The following NIPA2 variants were observed in gnomAD, a reference collection of about 807,000 sequenced individuals.
The protein encoded by NIPA2 is NIPA magnesium transporter 2.
A neutral mutation model predicts 29.7 loss-of-function variants in NIPA2; 11 were observed. The ratio of observed to expected loss-of-function variants is 0.37; its 90% CI spans 0.23 to 0.61. The LOEUF is 0.61. Ranked by LOEUF, NIPA2 falls within the 20% of genes least tolerant of loss-of-function variation. The pLI, the probability that NIPA2 is intolerant of heterozygous loss-of-function variation, is 0.66. For missense variants in NIPA2, 426 were observed against 437.9 expected, an observed-to-expected ratio of 0.97 and a Z score of 0.24; for synonymous variants, 183 against 161.9, an observed-to-expected ratio of 1.13 and a Z score of -0.99.
chr15:22,862,898 CTTTTTTTT>C (rs59317671), intron 7 of NIPA2, among the ~76,000 whole-genome samples: 1 of 110,284 alleles, frequency 9.1e-6, no homozygotes, highest in Non-Finnish European at 1.8e-5. Flanking sequence ...TGCCTTTATT[CTTTTTTTT>C]TTTTTTTTTT....
Position 22,867,189 on chromosome 15 carries a change from T to C in NIPA2, c.*342T>C. 1 of 435,080 alleles carries C rather than the reference T, an allele frequency of 2.3e-6. No homozygotes were observed. Among genetic ancestry groups the C allele is most frequent in the Non-Finnish European group, 4.0e-6 (1 of 248,704 alleles). 27.0% of individuals were successfully genotyped at this position (435,080 alleles called of 1,614,324 possible). On this transcript the variant is annotated 3_prime_UTR_variant, in exon 8 of 8. Transcript: ENST00000337451. Reference sequence around the variant, plus strand: ...GGTGATGAAAGTCTGAAATGTGCATTTGTCATCCCCACTCCATCAATCCCT... The same window carrying C: ...GGTGATGAAAGTCTGAAATGTGCATCTGTCATCCCCACTCCATCAATCCCT...
intron 5 of NIPA2, among the ~76,000 whole-genome samples, chr15:22,856,792 TC>T (rs1368500728): frequency 1.6e-5 from 2 of 123,316 alleles, no homozygotes; most frequent in Non-Finnish European, 4.0e-5. Context: ...CTAACAAAGA[TC>T]AGCAGGGAGA....
At chr15:22,859,535 A>G (rs951571578) in intron 6 of NIPA2, among the ~76,000 whole-genome samples, 9 of 151,960 alleles carry the variant, frequency 5.9e-5, no homozygotes, top group African/African-American at 1.4e-4. Flanking sequence ...CTCGTGATCC[A>G]CCCGCCTTGG....
chr15:22,857,979 T>G (rs1301453625), intron 5 of NIPA2, among the ~76,000 whole-genome samples: 3 of 152,178 alleles, frequency 2.0e-5, no homozygotes, highest in Non-Finnish European at 4.4e-5. Flanking sequence ...TTAAAATGCC[T>G]TATGTCAGCA....
rs2059163428 is a variant in NIPA2, at chr15:22,867,294, T to C, written c.*447T>C. ...CTGTGATTTACCTTACCTACAAAAG[T>C]GGCTCCTGTTTGTTTGATGATGATT... On this transcript the variant is annotated 3_prime_UTR_variant, in exon 8 of 8. Coordinates refer to ENST00000337451, the MANE Select transcript of NIPA2 (RefSeq NM_030922.7). The C allele has an allele frequency of 2.5e-6, 1 of 398,400 alleles. No homozygotes were observed. Among genetic ancestry groups the C allele is most frequent in the South Asian group, 1.3e-4 (1 of 7,860 alleles). 24.7% of individuals were successfully genotyped at this position (398,400 alleles called of 1,614,324 possible).
At chr15:22,865,357 G>A (rs999592113) in intron 7 of NIPA2, among the ~76,000 whole-genome samples, 10 of 151,912 alleles carry the variant, frequency 6.6e-5, no homozygotes, top group African/African-American at 9.7e-5. Context: ...GTGTTGGCGG[G>A]CACCTGTAGT....
At chr15:22,860,496 G>T (rs2058543215) in intron 6 of NIPA2, 133 bp from the exon 7 acceptor site, 5 of 651,324 alleles carry the variant, frequency 7.7e-6, no homozygotes, top group Non-Finnish European at 1.3e-5. Context: ...TTTTTCCTTG[G>T]CGAAAGCCAG....
rs1352168875 is a variant in NIPA2 at position 22,858,565 on chromosome 15, C to T, written c.222C>T (p.Phe74=). The T allele has an allele frequency of 8.7e-6, 14 of 1,606,682 alleles. No individual in the cohort carries two copies. Among genetic ancestry groups the T allele is most frequent in the Admixed American group, 3.4e-5 (2 of 59,356 alleles). The change falls in exon 6 of 8, where the codon TTC becomes TTT. Residue 74 remains phenylalanine, a synonymous_variant. Transcript: ENST00000337451. The part of the protein sequence containing the change: ...LSMGAGEVAN[F]AAYAFAPATL... ...TGGGAGCTGGTGAGGTGGCCAACTT[C>T]GCTGCGTATGCGTTTGCACCAGCCA...
At chr15:22,858,468 TA>T in intron 5 of NIPA2, 71 bp from the exon 6 acceptor site, 2 of 846,446 alleles carry the variant, frequency 2.4e-6, no homozygotes, top group Non-Finnish European at 3.8e-6. Context: ...AGATAGTGCA[TA>T]AAATGCCGGC....
intron 5 of NIPA2, among the ~76,000 whole-genome samples, chr15:22,853,722 A>G (rs1427275919): frequency 6.6e-6 from 1 of 152,030 alleles, no homozygotes; most frequent in Non-Finnish European, 1.5e-5. Flanking sequence ...TATAGGGTAC[A>G]TGAGATACTT....
intron 5 of NIPA2, among the ~76,000 whole-genome samples, chr15:22,856,227 T>C (rs956489401): frequency 1.3e-5 from 2 of 152,032 alleles, no homozygotes; most frequent in African/African-American, 4.8e-5. Flanking sequence ...AGGGAAAAAA[T>C]GGATGAAGAG....
In NIPA2 at chr15:22,840,121, A is replaced by G. The variant is rs549972395; in HGVS notation, c.-216+331A>G. 1.1e-3 allele frequency among the ~76,000 whole-genome samples: 166 copies of G among 151,906 alleles called. 1 individual carries two copies. Among genetic ancestry groups the G allele is most frequent in the Non-Finnish European group, 2.1e-4 (14 of 67,956 alleles). Reference sequence around the variant, plus strand: ...TTTTTTTTAGAACCGGGGTTTCACCATGTTACACCGGCTGGTCTCCTAATT... The same window carrying G: ...TTTTTTTTAGAACCGGGGTTTCACCGTGTTACACCGGCTGGTCTCCTAATT... On this transcript the variant is annotated intron_variant, in intron 2 of 7. Transcript: ENST00000337451.
Position 22,860,655 on chromosome 15 carries a change from A to G in NIPA2, c.314A>G (p.Asn105Ser), listed in dbSNP as rs748494134. 8.8e-6 allele frequency: 14 copies of G among 1,584,260 alleles called. No homozygotes were observed. Among genetic ancestry groups the G allele is most frequent in the South Asian group, 6.0e-5 (5 of 83,898 alleles). ...GCCATTCTTTCTTCATACTTTCTCA[A>G]TGAAAGACTTAATCTTCATGGGAAA... ...VSAILSSYFL[N>S]ERLNLHGKIG... The change falls in exon 7 of 8, where the codon AAT becomes AGT. Residue 105 changes from asparagine to serine, a missense_variant. Asn to Ser is a conservative substitution (Grantham distance 46, BLOSUM62 1). Around this residue, in one of 3 missense-constraint regions of NIPA2, gnomAD observed 357 missense variants for 339.8 expected, o/e 1.05. Coordinates refer to ENST00000337451, the MANE Select transcript of NIPA2 (RefSeq NM_030922.7).
rs1276503252 is a variant in NIPA2, at chr15:22,866,623, T to C, written c.859T>C (p.Phe287Leu). Reference protein sequence around the residue: ...DDVIGTLSGFFTIIVGIFLLH... With the variant: ...DDVIGTLSGFLTIIVGIFLLH... ...TGTCATTGGTACTTTGAGTGGCTTCTTTACAATCATTGTGGGGATATTCTT... is the reference window on the plus strand; with the variant it reads ...TGTCATTGGTACTTTGAGTGGCTTCCTTACAATCATTGTGGGGATATTCTT... The change falls in exon 8 of 8, where the codon TTT becomes CTT. Residue 287 changes from phenylalanine to leucine, a missense_variant. Phe to Leu is a conservative substitution (Grantham distance 22, BLOSUM62 0). Transcript: ENST00000337451. 2 of 1,614,166 alleles carry C rather than the reference T, an allele frequency of 1.2e-6. No individual in the cohort carries two copies. The highest frequency in any genetic ancestry group is 3.3e-5 in the Admixed American group (2 of 60,022).
At chr15:22,861,255 T>G (rs914978555) in intron 7 of NIPA2, among the ~76,000 whole-genome samples, 5 of 152,236 alleles carry the variant, frequency 3.3e-5, no homozygotes, top group African/African-American at 1.2e-4. Flanking sequence ...CTACTCTCAG[T>G]AATTTCAAAC....
chr15:22,864,103 G>A (rs1335012239), intron 7 of NIPA2, among the ~76,000 whole-genome samples: 1 of 151,942 alleles, frequency 6.6e-6, no homozygotes, highest in Non-Finnish European at 1.5e-5. Flanking sequence ...GGGAGAAAGA[G>A]GCTTTGCACT....
rs1184272864 is a variant in NIPA2, at chr15:22,845,230, C to G, written c.-131C>G. ...CTGAGAATAGTGAAGCAACTCATTC[C>G]TTTCAGGACATTCCCTCTGATGTCC... On this transcript the variant is annotated 5_prime_UTR_variant, in exon 3 of 8. Transcript: ENST00000337451. 2 of 152,176 alleles carry G rather than the reference C, an allele frequency of 1.3e-5. No homozygotes were observed. The highest frequency in any genetic ancestry group is 3.9e-4 in the East Asian group (2 of 5,170). 9.4% of individuals were successfully genotyped at this position (152,176 alleles called of 1,614,324 possible).
rs982396904 is a variant in NIPA2, at chr15:22,847,473, T to TC, written c.-94+2206_-94+2207insC. Among the ~76,000 whole-genome samples the TC allele has an allele frequency of 2.0e-4, 31 of 152,104 alleles. 1 individual carries two copies. Among genetic ancestry groups the TC allele is most frequent in the African/African-American group, 7.5e-4 (31 of 41,390 alleles). The stretch of plus-strand genomic sequence containing the variant: ...TTAAAGGAGGATGATGATTCTTTTT[T>TC]TTTTTTTCCGAGACGGAGTCTTGCT... On this transcript the variant is annotated intron_variant, in intron 3 of 7. Transcript: ENST00000337451.
chr15:22,862,382 G>A (rs2058686921), intron 7 of NIPA2, among the ~76,000 whole-genome samples: 1 of 152,066 alleles, frequency 6.6e-6, no homozygotes, highest in Non-Finnish European at 1.5e-5. Flanking sequence ...CTTGGGAACT[G>A]AATTGAATAC....
Sources: allele counts gnomAD v4.1 joint callset (sites outside exome capture counted in the v4.1 genomes callset), GRCh38; gene constraint gnomAD v4.1.1; regional missense constraint gnomAD v4.1.1; transcripts MANE v1.5; gene names NCBI Gene and HGNC (gene_info 2026-07-23, HGNC 2026-07-21).